The following SYT14 variants were observed in gnomAD, a reference collection of about 807,000 sequenced individuals.
SYT14 encodes synaptotagmin 14.
A neutral mutation model predicts 74.2 loss-of-function variants in SYT14; 32 were observed. That is an observed-to-expected ratio of 0.43 (90% CI 0.33 to 0.58). SYT14 has a LOEUF of 0.58. Among genes scored for constraint, SYT14 ranks in the 20% least tolerant of loss-of-function variants. SYT14 has a pLI of 0.05. For missense variants in SYT14, 791 were observed against 981.8 expected, an observed-to-expected ratio of 0.81 and a Z score of 2.60; for synonymous variants, 298 against 337.7, an observed-to-expected ratio of 0.88 and a Z score of 1.29.
At chr1:209,998,830 C>T (rs2079843382) in intron 2 of SYT14, among the ~76,000 whole-genome samples, 1 of 151,944 alleles carries the variant, frequency 6.6e-6, no homozygotes, top group African/African-American at 2.4e-5. Context: ...AGACCCGAAA[C>T]TATAAAACTA....
chr1:210,091,899 G>A (rs761006467), intron 5 of SYT14, among the ~76,000 whole-genome samples: 4 of 152,102 alleles, frequency 2.6e-5, no homozygotes, highest in Non-Finnish European at 5.9e-5. Context: ...GATCTGTGAG[G>A]CAATATGCTC....
chr1:209,940,099 TA>T (rs2078704684), intron 1 of SYT14, among the ~76,000 whole-genome samples: 2 of 152,260 alleles, frequency 1.3e-5, no homozygotes, highest in African/African-American at 4.8e-5. Context: ...ATATCTTTTC[TA>T]GTTTGGCAAA....
At chr1:210,123,414 C>A (rs1372135662) in intron 7 of SYT14, among the ~76,000 whole-genome samples, 1 of 152,128 alleles carries the variant, frequency 6.6e-6, no homozygotes, top group Non-Finnish European at 1.5e-5. Context: ...TGATCACACA[C>A]CCATGAATAC....
chr1:210,017,897 AT>A lies in SYT14; in HGVS notation c.1096+799del, dbSNP rs1259105422. On this transcript the variant is annotated intron_variant, in intron 4 of 9. Coordinates refer to ENST00000637265, the Ensembl canonical transcript of SYT14. ...ACTGGCTTTTATTTATAAAATACACATCTGGAATTTTTCTCTAAGTTCATAC... is the reference window on the plus strand; with the variant it reads ...ACTGGCTTTTATTTATAAAATACACACTGGAATTTTTCTCTAAGTTCATAC... 2.0e-5 allele frequency among the ~76,000 whole-genome samples: 3 copies of A among 152,202 alleles called. No individual in the cohort carries two copies. In the East Asian group the frequency reaches 5.8e-4, roughly 29 times the overall value.
At chr1:210,056,339 C>T (rs1360681399) in intron 5 of SYT14, among the ~76,000 whole-genome samples, 1 of 151,858 alleles carries the variant, frequency 6.6e-6, no homozygotes, top group Non-Finnish European at 1.5e-5. Flanking sequence ...AAATATTCCA[C>T]AAGTTTTAAA....
intron 5 of SYT14, among the ~76,000 whole-genome samples, chr1:210,089,225 C>T (rs940040404): frequency 6.6e-6 from 1 of 152,322 alleles, no homozygotes; most frequent in Non-Finnish European, 1.5e-5. Context: ...TTTTCTATGG[C>T]TGCATAGTAT....
intron 7 of SYT14, among the ~76,000 whole-genome samples, chr1:210,155,361 G>A (rs778351724): frequency 6.6e-6 from 1 of 152,164 alleles, no homozygotes. Context: ...GACATTTGAT[G>A]TATTGAGTCT....
At chr1:209,959,153 AT>A (rs919783449) in intron 2 of SYT14, among the ~76,000 whole-genome samples, 12 of 151,880 alleles carry the variant, frequency 7.9e-5, no homozygotes, top group Non-Finnish European at 1.6e-4. Flanking sequence ...TATTATTATT[AT>A]TTTTTTGAGA....
chr1:210,123,188 C>T (rs2082501422), intron 7 of SYT14, among the ~76,000 whole-genome samples: 1 of 151,328 alleles, frequency 6.6e-6, no homozygotes, highest in Non-Finnish European at 1.5e-5. Flanking sequence ...CCTGTAATCT[C>T]CACTGAAATG....
chr1:210,154,562 T>C lies in SYT14; in HGVS notation c.2035-1159T>C, dbSNP rs150233287. Among the ~76,000 whole-genome samples the C allele has an allele frequency of 1.4e-3, 213 of 152,326 alleles. 1 individual carries two copies. Among genetic ancestry groups the C allele is most frequent in the African/African-American group, 4.7e-3 (196 of 41,576 alleles). On this transcript the variant is annotated intron_variant, in intron 7 of 9. Transcript: ENST00000637265. Reference sequence around the variant, plus strand: ...TCATGGTCTCTAGAATATGTAGTGATGTCTCCTTTTTCATTCCTGATCATT... The same window carrying C: ...TCATGGTCTCTAGAATATGTAGTGACGTCTCCTTTTTCATTCCTGATCATT...
chr1:210,111,827 C>G (rs1223604675), intron 7 of SYT14, among the ~76,000 whole-genome samples: 1 of 151,312 alleles, frequency 6.6e-6, no homozygotes, highest in Non-Finnish European at 1.5e-5. Flanking sequence ...TAAGGGGGTT[C>G]AGCGGAATTA....
intron 5 of SYT14, among the ~76,000 whole-genome samples, chr1:210,078,072 A>T (rs2081538695): frequency 6.6e-6 from 1 of 152,132 alleles, no homozygotes; most frequent in Non-Finnish European, 1.5e-5. Flanking sequence ...GCACTTTGGG[A>T]GGCCGAGGCG....
At chr1:209,988,863 G>A (rs2102828704) in intron 2 of SYT14, among the ~76,000 whole-genome samples, 2 of 152,196 alleles carry the variant, frequency 1.3e-5, no homozygotes, top group South Asian at 2.1e-4. Context: ...TGTATCTTAG[G>A]AGTGACTCAG....
chr1:210,169,102 C>G (rs944916062), exon 10 of SYT14: 4 of 151,760 alleles, frequency 2.6e-5, no homozygotes, highest in African/African-American at 9.7e-5. Context: ...TTTTAAAAAC[C>G]TGGTTTTTAA....
At chr1:209,985,049 ATC>A (rs1558110956) in intron 2 of SYT14, among the ~76,000 whole-genome samples, 2 of 152,198 alleles carry the variant, frequency 1.3e-5, no homozygotes, top group Non-Finnish European at 2.9e-5. Context: ...TACAAGCTAT[ATC>A]ATTCCACCCC....
At position 210,100,473 on chromosome 1, in the gene SYT14, A is replaced by T. The variant is rs1439723073; in HGVS notation, c.2034+12A>T. On this transcript the variant is annotated intron_variant, in intron 7 of 9. Coordinates refer to ENST00000637265, the Ensembl canonical transcript of SYT14. The stretch of plus-strand genomic sequence containing the variant: ...CTTACAATCATTCTGTGAGTATCTC[A>T]TCAAATGGCCTGAATACAGTTTATG... The T allele has an allele frequency of 6.2e-7, 1 of 1,609,894 alleles. No homozygotes were observed. Among genetic ancestry groups the T allele is most frequent in the East Asian group, 2.2e-5 (1 of 44,832 alleles).
intron 2 of SYT14, among the ~76,000 whole-genome samples, chr1:210,010,809 A>G (rs748501829): frequency 2.6e-5 from 4 of 152,208 alleles, no homozygotes; most frequent in Non-Finnish European, 4.4e-5. Flanking sequence ...CTGGGGCCAG[A>G]CAGGGTTTGA....
intron 5 of SYT14, among the ~76,000 whole-genome samples, chr1:210,025,246 G>T (rs1275291925): frequency 6.6e-6 from 1 of 152,204 alleles, no homozygotes; most frequent in African/African-American, 2.4e-5. Flanking sequence ...CTTTGTGGCT[G>T]ATCACCCACC....
At chr1:210,030,911 T>TGTTTTGTTTTGTTTA (rs1190797546) in intron 5 of SYT14, among the ~76,000 whole-genome samples, 1 of 63,640 alleles carries the variant, frequency 1.6e-5, no homozygotes, top group African/African-American at 4.5e-5. Flanking sequence ...GTGTTTTGTT[T>TGTTTTGTTTTGTTTA]GTTTTGTTTT....
Sources: gnomAD v4.1 joint callset for allele counts (sites outside exome capture counted in the v4.1 genomes callset) on GRCh38, gnomAD v4.1.1 for gene constraint, MANE v1.5 for transcripts, NCBI Gene and HGNC (gene_info 2026-07-23, HGNC 2026-07-21) for gene names.